PCDHA4: variants seen among roughly 807,000 people sequenced by gnomAD.
The protein encoded by PCDHA4 is protocadherin alpha 4.
In PCDHA4, 49 loss-of-function variants were observed where a neutral mutation model predicts 61.4. The observed-to-expected ratio is 0.80, with a 90% CI of 0.63 to 1.01. PCDHA4 has a LOEUF of 1.01. PCDHA4 is among the 50% of genes least tolerant of loss of function. The pLI is 0.00. For missense variants in PCDHA4, 1,254 were observed against 1,235.8 expected (o/e 1.01, Z -0.22); for synonymous variants, 590 against 550.3 (o/e 1.07, Z -1.01).
chr5:140,999,091 T>G (rs1342614556), intron 3 of PCDHA4, among the ~76,000 whole-genome samples: 1 of 152,208 alleles, frequency 6.6e-6, no homozygotes, highest in South Asian at 2.1e-4. Flanking sequence ...TTCAGAGGGC[T>G]ATGGAGAGTA....
chr5:140,948,142 T>G (rs1194720907), intron 1 of PCDHA4, among the ~76,000 whole-genome samples: 1 of 151,674 alleles, frequency 6.6e-6, no homozygotes, highest in Admixed American at 6.6e-5. Flanking sequence ...CTAATTGATT[T>G]TTGAATGTTG....
At chr5:140,967,371 A>C in intron 1 of PCDHA4, 1 of 1,607,094 alleles carries the variant, frequency 6.2e-7, no homozygotes, top group Non-Finnish European at 8.5e-7. Context: ...CCCCTGCAGG[A>C]GAACAGTAAA....
At chr5:140,930,446 C>T (rs891083222) in intron 1 of PCDHA4, 1 of 151,964 alleles carries the variant, frequency 6.6e-6, no homozygotes, top group Admixed American at 6.6e-5. Context: ...TGGTCTCAAA[C>T]TCCTAGCCTC....
intron 2 of PCDHA4, among the ~76,000 whole-genome samples, chr5:140,980,472 A>G (rs782408123): frequency 6.6e-6 from 1 of 152,210 alleles, no homozygotes; most frequent in Non-Finnish European, 1.5e-5. Context: ...TCTACTAAAA[A>G]TACAAAAATT....
In PCDHA4 at chr5:140,836,419, C is replaced by G. The variant is rs137976668; in HGVS notation, c.2385+26847C>G. 2.4e-4 allele frequency: 381 copies of G among 1,613,666 alleles called. 4 individuals are homozygous for G. The highest frequency in any genetic ancestry group is 2.7e-4 in the Non-Finnish European group (316 of 1,179,858). ...GAAAGCGGCCAGGCACCAAAGGCGTCGTCGCGGGCATCGTTGGGCATTGCA... is the reference window on the plus strand; with the variant it reads ...GAAAGCGGCCAGGCACCAAAGGCGTGGTCGCGGGCATCGTTGGGCATTGCA... On this transcript the variant is annotated intron_variant, in intron 1 of 3. Transcript: ENST00000530339.
At chr5:140,849,922 CG>C (rs1376450485) in intron 1 of PCDHA4, 3 of 1,598,214 alleles carry the variant, frequency 1.9e-6, no homozygotes, top group Non-Finnish European at 2.6e-6. Context: ...CACATCTTCA[CG>C]GTGTCTGCGC....
rs1554124989 is a variant in PCDHA4 at position 140,809,085 on chromosome 5, C to G, written c.1898C>G (p.Thr633Arg). 1.1e-5 allele frequency: 17 copies of G among 1,613,966 alleles called. No homozygotes were observed. The highest frequency in any genetic ancestry group is 1.4e-5 in the Non-Finnish European group (16 of 1,179,914). ...GGGCTGTACACTGGCGAGATCAGCACAACGCGTGCCCTGGACGAAACGGAC... is the reference window on the plus strand; with the variant it reads ...GGGCTGTACACTGGCGAGATCAGCAGAACGCGTGCCCTGGACGAAACGGAC... ...RVGLYTGEISTTRALDETDAP... is the reference protein window; with the variant it reads ...RVGLYTGEISRTRALDETDAP... Residue 633 changes from threonine (T) to arginine (R), a missense_variant, in exon 1 of 4, where the codon ACA becomes AGA. Physicochemically the swap from Thr to Arg is moderately conservative, Grantham distance 71. Coordinates refer to ENST00000530339, the MANE Select transcript of PCDHA4 (RefSeq NM_018907.4).
chr5:140,859,256 G>C lies in PCDHA4; in HGVS notation c.2385+49684G>C, dbSNP rs182882850. On this transcript the variant is annotated intron_variant, in intron 1 of 3. Transcript: ENST00000530339. Reference sequence around the variant, plus strand: ...TCATGCTTATGTTTAATAATGAAGAGAATTTGAACACTTTTTACTTTTGAG... The same window carrying C: ...TCATGCTTATGTTTAATAATGAAGACAATTTGAACACTTTTTACTTTTGAG... 3 of 131,348 alleles carry C rather than the reference G, an allele frequency of 2.3e-5. 1 individual carries two copies. The highest frequency in any genetic ancestry group is 5.3e-5 in the Non-Finnish European group (3 of 56,988). The allele number at this position is 131,348 out of a possible 1,614,324, so 8.1% of individuals were successfully genotyped here.
intron 1 of PCDHA4, among the ~76,000 whole-genome samples, chr5:140,878,533 CA>C (rs2057632489): frequency 6.6e-6 from 1 of 152,156 alleles, no homozygotes; most frequent in Admixed American, 6.5e-5. Context: ...AACTGTGGCT[CA>C]AACCAGTTTC....
intron 1 of PCDHA4, chr5:140,850,598 C>A (rs1358773904): frequency 6.3e-7 from 1 of 1,598,460 alleles, no homozygotes; most frequent in Non-Finnish European, 8.6e-7. Context: ...TGTACCTGAT[C>A]ATCGCCATCT....
At position 140,841,567 on chromosome 5, in the gene PCDHA4, C is replaced by T. The variant is rs2150318381; in HGVS notation, c.2385+31995C>T. On this transcript the variant is annotated intron_variant, in intron 1 of 3. Transcript: ENST00000530339. ...TTCTGGAGGTAAGTCTGCAGAATGG[C>T]ATTTTGTTTGTGAATTCTCGGATCG... The T allele has an allele frequency of 5.6e-6, 9 of 1,613,816 alleles. No homozygotes were observed. The East Asian group carries it at 6.7e-5, about 12-fold the overall frequency.
intron 1 of PCDHA4, 60 bp downstream of exon 1, chr5:140,809,632 G>T: frequency 6.7e-7 from 1 of 1,502,482 alleles, no homozygotes; most frequent in South Asian, 1.4e-5. Flanking sequence ...CAACTTCTTC[G>T]TAAATTTATT....
At chr5:140,951,507 C>A (rs2094591964) in intron 1 of PCDHA4, among the ~76,000 whole-genome samples, 1 of 151,952 alleles carries the variant, frequency 6.6e-6, no homozygotes, top group African/African-American at 2.4e-5. Flanking sequence ...AAAAGGAAAG[C>A]GGCTCATCTT....
rs147581214 is a variant in PCDHA4, at chr5:140,857,154, C to G, written c.2385+47582C>G. 87 of 1,598,228 alleles carry G rather than the reference C, an allele frequency of 5.4e-5. 8 individuals carry two copies. Among genetic ancestry groups the G allele is most frequent in the Non-Finnish European group, 7.1e-5 (83 of 1,167,802 alleles). On this transcript the variant is annotated intron_variant, in intron 1 of 3. Coordinates refer to ENST00000530339, the MANE Select transcript of PCDHA4 (RefSeq NM_018907.4). ...GATGCTCAAGTGGGCACCGTCATTG[C>G]CCTAATCAGCGTTTCTGACCATGAT...
intron 1 of PCDHA4, among the ~76,000 whole-genome samples, chr5:140,939,959 G>A (rs1272327380): frequency 6.6e-6 from 1 of 152,150 alleles, no homozygotes; most frequent in Non-Finnish European, 1.5e-5. Flanking sequence ...TTATGTTAAA[G>A]TGTTCCACGA....
In PCDHA4 at chr5:140,808,955, G is replaced by C; in HGVS notation, c.1768G>C (p.Val590Leu). The change falls in exon 1 of 4, where the codon GTG becomes CTG. Residue 590 changes from valine to leucine, a missense_variant. Val to Leu is a conservative substitution (Grantham distance 32). Transcript: ENST00000530339. ...LVPWSVGVGHVVAKVRAVDAD... is the reference protein window; with the variant it reads ...LVPWSVGVGHLVAKVRAVDAD... ...GCCATGGTCGGTGGGTGTGGGCCAC[G>C]TGGTGGCAAAGGTGCGCGCGGTGGA... The C allele has an allele frequency of 6.2e-7, 1 of 1,613,590 alleles. No individual in the cohort carries two copies. Among genetic ancestry groups the C allele is most frequent in the Non-Finnish European group, 8.5e-7 (1 of 1,179,708 alleles).
chr5:140,832,930 G>A (rs2150205198), intron 1 of PCDHA4, among the ~76,000 whole-genome samples: 32 of 152,268 alleles, frequency 2.1e-4, no homozygotes, highest in African/African-American at 7.7e-4. Flanking sequence ...GTATTCATGA[G>A]AAGAGAGTAA....
At chr5:140,909,038 A>C (rs1396337089) in intron 1 of PCDHA4, among the ~76,000 whole-genome samples, 1 of 152,126 alleles carries the variant, frequency 6.6e-6, no homozygotes, top group African/African-American at 2.4e-5. Context: ...TTTATTTTCC[A>C]TACTCTGGCA....
chr5:140,981,443 G>A lies in PCDHA4; in HGVS notation c.2445-1032G>A, dbSNP rs530782878. ...ACAAAAATGAGCCAGGCATGGTGGC[G>A]GGTGCCTGTAGTCCCAGCTACTTGG... On this transcript the variant is annotated intron_variant, in intron 2 of 3. Transcript: ENST00000530339. Among the ~76,000 whole-genome samples, 6 of 152,126 alleles carry A rather than the reference G, an allele frequency of 3.9e-5. No homozygotes were observed. The Middle Eastern group carries it at 0.01, about 259-fold the overall frequency.
Sources: allele counts gnomAD v4.1 joint callset (sites outside exome capture counted in the v4.1 genomes callset), GRCh38; gene constraint gnomAD v4.1.1; transcripts MANE v1.5; gene names NCBI Gene and HGNC (gene_info 2026-07-23, HGNC 2026-07-21).